LONRF3: variants seen among roughly 807,000 people sequenced by gnomAD.
LONRF3 encodes LON peptidase N-terminal domain and RING finger protein 3.
Under a neutral mutation model 51.7 loss-of-function variants are expected in LONRF3, and 19 were observed. That is an observed-to-expected ratio of 0.37 (90% CI 0.26 to 0.54). The LOEUF (loss-of-function observed/expected upper bound fraction) is 0.54, where lower values mean the gene tolerates loss of function less well. Ranked by LOEUF, LONRF3 falls within the 20% of genes least tolerant of loss-of-function variation. The probability of loss-of-function intolerance (pLI) is 0.86; values close to 1 mark genes in which losing one functional copy is unlikely to be tolerated. For missense variants in LONRF3, 521 were observed against 623.9 expected (o/e 0.84, Z 1.76); for synonymous variants, 265 against 257.8 (o/e 1.03, Z -0.27).
In LONRF3 at chrX:119,014,316, A is replaced by G; in HGVS notation, c.2084A>G (p.Asn695Ser). The G allele has an allele frequency of 8.3e-7, 1 of 1,211,031 alleles. No individual in the cohort carries two copies. The highest frequency in any genetic ancestry group is 1.7e-5 in the African/African-American group (1 of 57,788). The change falls in exon 10 of 11, where the codon AAT (asparagine) becomes AGT (serine). Residue 695 changes from asparagine (N) to serine (S), a missense_variant. By Grantham distance (46) the Asn-to-Ser change is conservative. This residue lies in a region of LONRF3 where 145 missense variants were observed against 247.2 expected (regional missense o/e 0.59). Transcript: ENST00000371628. ...TTATCCCTAAAGAATCGGATACTCA[A>G]TCACTTTGGTCCCATGCCGGAGAAA... ...LKLSLKNRIL[N>S]HFGPMPEKDA... is the part of the protein sequence containing the mutation.
intron 7 of LONRF3, among the ~76,000 whole-genome samples, chrX:119,010,520 C>T (rs749040229): frequency 5.4e-5 from 6 of 110,556 alleles, no homozygotes; most frequent in Non-Finnish European, 1.1e-4. Context: ...TGGAACTACT[C>T]GGGGGATCTT....
At chrX:118,999,004 A>G (rs1603252721) in intron 5 of LONRF3, among the ~76,000 whole-genome samples, 1 of 112,821 alleles carries the variant, frequency 8.9e-6, no homozygotes, top group East Asian at 2.8e-4. Flanking sequence ...TCCAGCGAGC[A>G]GAAACTGCTC....
intron 3 of LONRF3, chrX:118,987,062 T>C: frequency 8.7e-7 from 1 of 1,153,917 alleles, no homozygotes; most frequent in East Asian, 3.3e-5. Context: ...CCAGCCATAA[T>C]CTACCAAGGT....
At chrX:118,990,309 G>A (rs1923328806) in intron 4 of LONRF3, among the ~76,000 whole-genome samples, 161 bp from the exon 5 acceptor site, 1 of 111,759 alleles carries the variant, frequency 8.9e-6, no homozygotes, top group Admixed American at 9.5e-5. Flanking sequence ...CTACTTCTGA[G>A]TGTCCCATTC....
At chrX:119,000,164 G>A (rs1422056946) in intron 5 of LONRF3, among the ~76,000 whole-genome samples, 1 of 111,669 alleles carries the variant, frequency 9.0e-6, no homozygotes, top group Non-Finnish European at 1.9e-5. Flanking sequence ...GTCCTTGGGG[G>A]AGAGTGTCTG....
intron 6 of LONRF3, among the ~76,000 whole-genome samples, chrX:119,008,236 G>C (rs1924864680): frequency 8.9e-6 from 1 of 112,365 alleles, no homozygotes; most frequent in African/African-American, 3.2e-5. Flanking sequence ...CATTTTCACT[G>C]CAGAATAGAG....
chrX:119,014,147 G>A, intron 9 of LONRF3, 60 bp from the exon 10 acceptor site: 1 of 1,126,468 alleles, frequency 8.9e-7, no homozygotes, highest in African/African-American at 1.8e-5. Context: ...GGTGTCAAAA[G>A]TGACTCTGGG....
chrX:118,997,090 A>C (rs1923929871), intron 5 of LONRF3, among the ~76,000 whole-genome samples: 1 of 111,058 alleles, frequency 9.0e-6, no homozygotes, highest in Non-Finnish European at 1.9e-5. Context: ...TGCAATCCCC[A>C]TCATTCTTCA....
chrX:118,979,110 C>T (rs1922341542), intron 2 of LONRF3, among the ~76,000 whole-genome samples: 1 of 106,648 alleles, frequency 9.4e-6, no homozygotes, highest in Non-Finnish European at 1.9e-5. Context: ...ACGCCATTCT[C>T]CTGCCTCAGC....
chrX:118,998,518 C>T (rs936405035), intron 5 of LONRF3, among the ~76,000 whole-genome samples: 1 of 110,572 alleles, frequency 9.0e-6, no homozygotes, highest in Non-Finnish European at 1.9e-5. Context: ...GTATAATGCT[C>T]GGGTGATGGT....
Position 119,017,633 on chromosome X carries a change from G to T in LONRF3, c.2223G>T (p.Lys741Asn), listed in dbSNP as rs756722628. ...CCTTCCTAGCAATGAGGTCCTTAAA[G>T]GACAGACTGAATGGTATTCGACGAG... ...QLPFLAMRSL[K>N]DRLNGIRRVL... is the part of the protein sequence containing the mutation. Residue 741 changes from lysine (K) to asparagine (N), a missense_variant, in exon 11 of 11, where the codon AAG becomes AAT. Lys to Asn is a moderately conservative substitution (Grantham distance 94, BLOSUM62 0). Coordinates refer to ENST00000371628, the MANE Select transcript of LONRF3 (RefSeq NM_001031855.3). 34 of 1,209,069 alleles carry T rather than the reference G, an allele frequency of 2.8e-5. No individual in the cohort carries two copies. Among genetic ancestry groups the T allele is most frequent in the Non-Finnish European group, 3.0e-5 (27 of 894,697 alleles).
At chrX:119,001,150 G>A (rs911458045) in intron 5 of LONRF3, among the ~76,000 whole-genome samples, 1 of 111,706 alleles carries the variant, frequency 9.0e-6, no homozygotes, top group Non-Finnish European at 1.9e-5. Flanking sequence ...TTCTGAAATC[G>A]TTACCTAAAG....
chrX:119,004,434 C>T (rs1406427985), intron 5 of LONRF3, among the ~76,000 whole-genome samples: 1 of 112,394 alleles, frequency 8.9e-6, no homozygotes, highest in Admixed American at 9.4e-5. Flanking sequence ...TTTTTTGCTC[C>T]ACACGTAACT....
At chrX:118,994,256 A>G (rs1383084973) in intron 5 of LONRF3, among the ~76,000 whole-genome samples, 2 of 111,901 alleles carry the variant, frequency 1.8e-5, no homozygotes, top group Non-Finnish European at 3.8e-5. Context: ...CAGAATGGAT[A>G]AGAACTCACC....
chrX:118,976,315 C>G (rs1922047727), intron 1 of LONRF3: 1 of 113,993 alleles, frequency 8.8e-6, no homozygotes, highest in African/African-American at 3.2e-5. Flanking sequence ...TGGGCCACCA[C>G]GCTCGCTTCG....
At chrX:118,994,749 G>GTA (rs779799131) in intron 5 of LONRF3, among the ~76,000 whole-genome samples, 107 of 111,925 alleles carry the variant, frequency 9.6e-4, no homozygotes, top group African/African-American at 3.2e-3. Context: ...AAGAGGGACA[G>GTA]TATATAATGG....
Position 119,013,037 on chromosome X carries a change from A to G in LONRF3, c.1812-2A>G. ...TCTCTCGACTCCATTCTCAATAAACAGGTTTGCAGAATATGGCTGCATCCT... is the reference window on the plus strand; with the variant it reads ...TCTCTCGACTCCATTCTCAATAAACGGGTTTGCAGAATATGGCTGCATCCT... On this transcript the variant is annotated splice_acceptor_variant, in intron 8 of 10. Coordinates refer to ENST00000371628, the MANE Select transcript of LONRF3 (RefSeq NM_001031855.3). LOFTEE classifies it high-confidence loss of function. 1 of 1,210,838 alleles carries G rather than the reference A, an allele frequency of 8.3e-7. No homozygotes were observed. The highest frequency in any genetic ancestry group is 1.1e-6 in the Non-Finnish European group (1 of 895,088).
intron 10 of LONRF3, among the ~76,000 whole-genome samples, chrX:119,016,986 G>A (rs1235925930): frequency 8.9e-6 from 1 of 112,384 alleles, no homozygotes; most frequent in Non-Finnish European, 1.9e-5. Flanking sequence ...TGGTGTATCT[G>A]TTAGGATACT....
chrX:118,994,650 C>T (rs996657213), intron 5 of LONRF3, among the ~76,000 whole-genome samples: 2 of 111,301 alleles, frequency 1.8e-5, no homozygotes, highest in Non-Finnish European at 3.8e-5. Context: ...ATCCACCCAC[C>T]TCGGCCTCCC....
Sources: allele counts gnomAD v4.1 joint callset (sites outside exome capture counted in the v4.1 genomes callset), GRCh38; gene constraint gnomAD v4.1.1; regional missense constraint gnomAD v4.1.1; transcripts MANE v1.5; gene names NCBI Gene and HGNC (gene_info 2026-07-23, HGNC 2026-07-21).